The following ARPC5L variants were observed in gnomAD, a reference collection of about 807,000 sequenced individuals.
The protein encoded by ARPC5L is actin-related protein 2/3 complex subunit 5-like protein.
Under a neutral mutation model 16.9 loss-of-function variants are expected in ARPC5L, and 4 were observed. That is an observed-to-expected ratio of 0.24 (90% CI 0.12 to 0.54). The LOEUF is 0.54. ARPC5L is among the 20% of genes least tolerant of loss of function. The pLI is 0.95. For synonymous variants in ARPC5L, 78 were observed against 82.6 expected (o/e 0.94, Z 0.30); for missense variants, 151 against 201.9 (o/e 0.75, Z 1.53).
intron 5 of ARPC5L, among the ~76,000 whole-genome samples, chr9:124,875,875 A>T (rs1829426377): frequency 6.6e-6 from 1 of 152,158 alleles, no homozygotes. Context: ...GGGGTTTTAC[A>T]GTGGGCCAGT....
At chr9:124,874,396 G>A (rs1351207902) in intron 4 of ARPC5L, among the ~76,000 whole-genome samples, 1 of 152,100 alleles carries the variant, frequency 6.6e-6, no homozygotes, top group Non-Finnish European at 1.5e-5. Context: ...GGCCTTATTG[G>A]TGTCATCTAA....
At chr9:124,875,253 G>A (rs1411923500) in intron 5 of ARPC5L, 102 bp downstream of exon 5, 7 of 1,344,500 alleles carry the variant, frequency 5.2e-6, no homozygotes, top group Non-Finnish European at 6.1e-6. Context: ...GGTCTGATAG[G>A]CGTGTGGGGT....
chr9:124,869,121 C>A lies in ARPC5L; in HGVS notation c.-170C>A. 1.3e-6 allele frequency: 1 copy of A among 770,320 alleles called. No homozygotes were observed. The highest frequency in any genetic ancestry group is 1.8e-6 in the Non-Finnish European group (1 of 560,842). 47.7% of individuals were successfully genotyped at this position (770,320 alleles called of 1,614,324 possible). A position where few individuals can be genotyped will look rare whatever the true frequency, so the allele number is the denominator to read the frequency against. ...CCCCTGACGGCGCTTCCGGATCCGG[C>A]GGGTGCCGGAAGTGGGCGGGCGGCG... On this transcript the variant is annotated 5_prime_UTR_variant, in exon 3 of 6. Coordinates refer to ENST00000353214, the MANE Select transcript of ARPC5L (RefSeq NM_030978.3).
At chr9:124,875,648 C>G (rs1042812324) in intron 5 of ARPC5L, among the ~76,000 whole-genome samples, 1 of 152,198 alleles carries the variant, frequency 6.6e-6, no homozygotes, top group African/African-American at 2.4e-5. Context: ...GGCCTTCGTC[C>G]AGGTGAAGCA....
rs377260680 is a variant in ARPC5L, at chr9:124,874,967, G to T, written c.223-8G>T. On this transcript the variant is annotated splice_region_variant and splice_polypyrimidine_tract_variant and intron_variant, in intron 4 of 5. Transcript: ENST00000353214. ...CTCTGGGACTCACTTGCTCTTTTTC[G>T]TCTGCAGGAGCGAGCCCAGGGCGTG... The T allele has an allele frequency of 1.2e-6, 2 of 1,613,322 alleles. No individual in the cohort carries two copies. The highest frequency in any genetic ancestry group is 1.7e-6 in the Non-Finnish European group (2 of 1,179,864).
intron 2 of ARPC5L, among the ~76,000 whole-genome samples, chr9:124,867,993 G>A (rs1465682102): frequency 6.6e-6 from 1 of 151,940 alleles, no homozygotes; most frequent in Non-Finnish European, 1.5e-5. Context: ...ATTTCTAGTA[G>A]ACACGGGGTT....
intron 1 of ARPC5L, among the ~76,000 whole-genome samples, chr9:124,862,981 G>C (rs1471290542): frequency 6.6e-6 from 1 of 151,842 alleles, no homozygotes. Flanking sequence ...CCGAGTAGCT[G>C]AAACTACAGG....
At chr9:124,874,326 G>A (rs1231151456) in intron 4 of ARPC5L, among the ~76,000 whole-genome samples, 1 of 152,294 alleles carries the variant, frequency 6.6e-6, no homozygotes, top group East Asian at 1.9e-4. Flanking sequence ...CGCTGCAGCC[G>A]AGTCAACCTG....
At chr9:124,873,593 T>C in intron 3 of ARPC5L, 99 bp from the exon 4 acceptor site, 1 of 1,358,126 alleles carries the variant, frequency 7.4e-7, no homozygotes, top group Non-Finnish European at 1.1e-6. Flanking sequence ...ATGGATGAGA[T>C]CCCATCTGAC....
chr9:124,862,136 G>T lies in ARPC5L; in HGVS notation c.-1246G>T, dbSNP rs189904170. ...GCCTTGTAGTGCTCGCCTCATTCAC[G>T]GCACCCCTGATAGCGAGGTCGGCGT... On this transcript the variant is annotated 5_prime_UTR_variant, in exon 1 of 6. Transcript: ENST00000353214. The T allele has an allele frequency of 2.1e-4, 105 of 509,606 alleles. 1 individual carries two copies. In the East Asian group the frequency reaches 3.5e-3, roughly 17 times the overall value. The allele number at this position is 509,606 out of a possible 1,614,324, so 31.6% of individuals were successfully genotyped here.
intron 3 of ARPC5L, among the ~76,000 whole-genome samples, chr9:124,871,347 G>A (rs956449181): frequency 3.2e-4 from 49 of 152,194 alleles, no homozygotes; most frequent in African/African-American, 1.2e-3. Context: ...CTTCTGTTAC[G>A]TGGCGGACAG....
At chr9:124,863,788 G>A (rs1221122573) in intron 1 of ARPC5L, among the ~76,000 whole-genome samples, 200 bp from the exon 2 acceptor site, 1 of 152,196 alleles carries the variant, frequency 6.6e-6, no homozygotes, top group Non-Finnish European at 1.5e-5. Flanking sequence ...GCACTCCAGT[G>A]CCACTCCCTT....
intron 3 of ARPC5L, 25 bp downstream of exon 3, chr9:124,869,464 G>A: frequency 7.0e-7 from 1 of 1,424,880 alleles, no homozygotes; most frequent in Non-Finnish European, 9.2e-7. Flanking sequence ...CGCGGCGTCC[G>A]GGCCTGCGCG....
At chr9:124,869,473 C>T (rs1220147361) in intron 3 of ARPC5L, 34 bp downstream of exon 3, 29 of 1,421,308 alleles carry the variant, frequency 2.0e-5, no homozygotes, top group Non-Finnish European at 2.6e-5. Context: ...CGGGCCTGCG[C>T]GCGGCCTTCT....
chr9:124,865,210 T>C (rs1446239720), intron 2 of ARPC5L, among the ~76,000 whole-genome samples: 1 of 147,184 alleles, frequency 6.8e-6, no homozygotes, highest in Non-Finnish European at 1.5e-5. Flanking sequence ...CCAGCTACTC[T>C]GGAGGCTGAA....
chr9:124,873,811 G>C, intron 4 of ARPC5L, 47 bp downstream of exon 4: 1 of 1,606,730 alleles, frequency 6.2e-7, no homozygotes, highest in Non-Finnish European at 8.5e-7. Flanking sequence ...TGGGACCAGG[G>C]CTGTGGGTGT....
intron 5 of ARPC5L, among the ~76,000 whole-genome samples, chr9:124,875,789 C>T (rs1456691580): frequency 6.6e-6 from 1 of 152,210 alleles, no homozygotes; most frequent in Non-Finnish European, 1.5e-5. Context: ...GCAGTAAGCA[C>T]GCCCACCATT....
rs112061607 is a variant in ARPC5L at position 124,870,516 on chromosome 9, G to T, written c.149+1077G>T. On this transcript the variant is annotated intron_variant, in intron 3 of 5. Transcript: ENST00000353214. Reference sequence around the variant, plus strand: ...AAAGTGGGGCCTGCTGCTTTAGGGGGAGCCCGGCAGTGCTCCTGAGTGTGC... The same window carrying T: ...AAAGTGGGGCCTGCTGCTTTAGGGGTAGCCCGGCAGTGCTCCTGAGTGTGC... 3.7e-4 allele frequency among the ~76,000 whole-genome samples: 57 copies of T among 152,288 alleles called. 1 individual carries two copies. Among genetic ancestry groups the T allele is most frequent in the African/African-American group, 1.3e-3 (52 of 41,562 alleles).
intron 2 of ARPC5L, among the ~76,000 whole-genome samples, chr9:124,865,961 CA>C (rs1829265460): frequency 6.6e-6 from 1 of 151,600 alleles, no homozygotes. Context: ...AAAAATTAGC[CA>C]GGCGTGGTGG....
Sources: allele counts gnomAD v4.1 joint callset (sites outside exome capture counted in the v4.1 genomes callset), GRCh38; gene constraint gnomAD v4.1.1; transcripts MANE v1.5; gene names NCBI Gene and HGNC (gene_info 2026-07-23, HGNC 2026-07-21).